The following SLC14A2 variants were observed in gnomAD, a reference collection of about 807,000 sequenced individuals.
SLC14A2 encodes solute carrier family 14 member 2.
A neutral mutation model predicts 104.6 loss-of-function variants in SLC14A2; 91 were observed. That is an observed-to-expected ratio of 0.87 (90% CI 0.73 to 1.04). SLC14A2 has a LOEUF of 1.04. Ranked by LOEUF, SLC14A2 falls within the 50% of genes least tolerant of loss-of-function variation. The pLI, the probability that SLC14A2 is intolerant of heterozygous loss-of-function variation, is 0.00. For missense variants in SLC14A2, 1,189 were observed against 1,156.0 expected (o/e 1.03, Z -0.41); for synonymous variants, 476 against 466.4 (o/e 1.02, Z -0.27).
At chr18:45,436,852 A>C (rs1311542180) in intron 1 of SLC14A2, 2 of 152,172 alleles carry the variant, frequency 1.3e-5, no homozygotes, top group Admixed American at 6.5e-5. Context: ...AAAACCAAAA[A>C]ACAATGCATA....
intron 1 of SLC14A2, among the ~76,000 whole-genome samples, chr18:45,390,816 C>T (rs1451436215): frequency 1.3e-5 from 2 of 152,150 alleles, no homozygotes; most frequent in African/African-American, 4.8e-5. Context: ...AGGTGAGACA[C>T]TCAATATTGT....
At chr18:45,189,802 A>G in the SLC14A2 span, among the ~76,000 whole-genome samples, 1 of 152,182 alleles carries the variant, frequency 6.6e-6, no homozygotes, top group Admixed American at 6.5e-5. Context: ...CTTGGGTGAT[A>G]ATGGATGCAA....
intron 6 of SLC14A2, 28 bp from the exon 7 acceptor site, chr18:45,639,718 A>G (rs757040964): frequency 6.2e-7 from 1 of 1,611,106 alleles, no homozygotes; most frequent in East Asian, 2.2e-5. Context: ...TCCATGCTCC[A>G]GTGACCTGTA....
chr18:45,246,444 C>A (rs1001793720), intron 1 of SLC14A2, among the ~76,000 whole-genome samples: 2 of 152,164 alleles, frequency 1.3e-5, no homozygotes, highest in African/African-American at 4.8e-5. Context: ...TTAAATAATA[C>A]ATATTTTATA....
At chr18:45,475,317 C>T (rs181289586) in intron 1 of SLC14A2, among the ~76,000 whole-genome samples, 130 of 151,782 alleles carry the variant, frequency 8.6e-4, no homozygotes, top group East Asian at 6.6e-3. Flanking sequence ...AGAATAAGTG[C>T]GATGTGGTGT....
At position 45,486,145 on chromosome 18, in the gene SLC14A2, G is replaced by A. The variant is rs190448154; in HGVS notation, c.-35+2823G>A. ...TTAGAATTCTGCTACTGCCATTATT[G>A]TTTTGGGGTCAGCTCAGCTTTTCTT... On this transcript the variant is annotated intron_variant, in intron 2 of 20. Coordinates refer to the SLC14A2 transcript ENST00000586448. 2.5e-4 allele frequency among the ~76,000 whole-genome samples: 38 copies of A among 152,282 alleles called. No individual in the cohort carries two copies. The East Asian group carries it at 7.1e-3, about 29-fold the overall frequency.
intron 1 of SLC14A2, among the ~76,000 whole-genome samples, chr18:45,265,451 T>C (rs1285701201): frequency 1.3e-5 from 2 of 152,188 alleles, no homozygotes; most frequent in Non-Finnish European, 2.9e-5. Context: ...TCTAAGGTCC[T>C]TTTGAAATAT....
chr18:45,652,828 A>T (rs2045763924), intron 10 of SLC14A2, among the ~76,000 whole-genome samples: 1 of 152,062 alleles, frequency 6.6e-6, no homozygotes, highest in Admixed American at 6.5e-5. Context: ...CCCCACCCTG[A>T]GTCTAGTGTT....
intron 2 of SLC14A2, among the ~76,000 whole-genome samples, chr18:45,607,474 A>T (rs1334848984): frequency 6.6e-6 from 1 of 152,204 alleles, no homozygotes; most frequent in African/African-American, 2.4e-5. Flanking sequence ...GTACTCAGCA[A>T]ATATTAGTTA....
intron 10 of SLC14A2, among the ~76,000 whole-genome samples, chr18:45,661,095 C>CTGGGCT (rs1567998639): frequency 1.3e-5 from 2 of 152,186 alleles, no homozygotes; most frequent in African/African-American, 4.8e-5. Context: ...AGCACAGAAT[C>CTGGGCT]TGGGCTGCTA....
At chr18:45,618,669 CAAAAAAAAAAAAAAA>C (rs60728655) in intron 1 of SLC14A2, among the ~76,000 whole-genome samples, 1 of 50,694 alleles carries the variant, frequency 2.0e-5, no homozygotes, top group African/African-American at 7.0e-5. Flanking sequence ...AACTCTGTCT[CAAAAAAAAAAAAAAA>C]AAAAAAAAAA....
intron 2 of SLC14A2, among the ~76,000 whole-genome samples, chr18:45,509,788 T>G (rs564839525): frequency 2.6e-5 from 4 of 152,298 alleles, no homozygotes; most frequent in African/African-American, 9.6e-5. Context: ...ACTTTGTTTG[T>G]AGAGATGTCT....
At chr18:45,656,491 T>C (rs1343001698) in intron 10 of SLC14A2, among the ~76,000 whole-genome samples, 6 of 152,168 alleles carry the variant, frequency 3.9e-5, no homozygotes, top group African/African-American at 1.4e-4. Context: ...AGTGACATAA[T>C]AACATGGTCT....
intron 2 of SLC14A2, among the ~76,000 whole-genome samples, chr18:45,484,311 G>A (rs1362367450): frequency 6.6e-6 from 1 of 152,134 alleles, no homozygotes; most frequent in Admixed American, 6.5e-5. Flanking sequence ...CTAATCATAT[G>A]GGCCTCTCCT....
At chr18:45,203,944 A>G in the SLC14A2 span, among the ~76,000 whole-genome samples, 3 of 152,226 alleles carry the variant, frequency 2.0e-5, no homozygotes, top group African/African-American at 7.2e-5. Flanking sequence ...GTGAGTGTTT[A>G]GTACCACGAT....
At chr18:45,395,044 A>T (rs2144427919) in intron 1 of SLC14A2, among the ~76,000 whole-genome samples, 1 of 152,244 alleles carries the variant, frequency 6.6e-6, no homozygotes, top group African/African-American at 2.4e-5. Flanking sequence ...CTGACCAAAA[A>T]GAATTGAGAT....
chr18:45,667,983 T>C lies in SLC14A2; in HGVS notation c.1868T>C (p.Ile623Thr). The change falls in exon 14 of 20, where the codon ATC (isoleucine) becomes ACC (threonine). Residue 623 changes from isoleucine to threonine, a missense_variant. Transcript: ENST00000255226. The part of the protein sequence containing the change: ...WWAISGCLGT[I>T]MSTLTALILS... ...GCGATCTCAGGCTGCCTGGGTACCA[T>C]CATGTCCACCTTGACAGCCCTCATC... 6.2e-7 allele frequency: 1 copy of C among 1,614,076 alleles called. No individual in the cohort carries two copies. The highest frequency in any genetic ancestry group is 8.5e-7 in the Non-Finnish European group (1 of 1,179,998).
the SLC14A2 span, among the ~76,000 whole-genome samples, chr18:45,188,667 G>A: frequency 3.3e-5 from 5 of 152,142 alleles, no homozygotes; most frequent in Admixed American, 1.3e-4. Context: ...CCTGAGAACT[G>A]TAAGTCAAGT....
chr18:45,532,742 G>A (rs1321011234), intron 2 of SLC14A2, among the ~76,000 whole-genome samples: 10 of 152,136 alleles, frequency 6.6e-5, no homozygotes, highest in Non-Finnish European at 1.0e-4. Context: ...ATGTTGAATA[G>A]GAGTGGTGAG....
Sources: gnomAD v4.1 joint callset for allele counts (sites outside exome capture counted in the v4.1 genomes callset) on GRCh38, gnomAD v4.1.1 for gene constraint, MANE v1.5 for transcripts, NCBI Gene and HGNC (gene_info 2026-07-23, HGNC 2026-07-21) for gene names.